Variants in MACROD2 observed in about 807,000 individuals in gnomAD.
MACROD2 encodes the protein mono-ADP ribosylhydrolase 2, also known as ADP-ribose glycohydrolase MACROD2.
Under a neutral mutation model 70.4 loss-of-function variants are expected in MACROD2, and 36 were observed. The ratio of observed to expected loss-of-function variants is 0.51; its 90% CI spans 0.39 to 0.68. MACROD2 has a LOEUF of 0.68. Among genes scored for constraint, MACROD2 ranks in the 30% least tolerant of loss-of-function variants. The pLI is 0.00. For synonymous variants in MACROD2, 172 were observed against 178.8 expected (o/e 0.96, Z 0.30); for missense variants, 496 against 538.4 (o/e 0.92, Z 0.78).
At chr20:15,208,163 T>G (rs900119761) in intron 5 of MACROD2, among the ~76,000 whole-genome samples, 1 of 152,214 alleles carries the variant, frequency 6.6e-6, no homozygotes, top group Non-Finnish European at 1.5e-5. Context: ...TGTCCTGTCT[T>G]CAAGTTCACT....
At chr20:14,623,976 C>T (rs1348300736) in intron 4 of MACROD2, among the ~76,000 whole-genome samples, 2 of 152,232 alleles carry the variant, frequency 1.3e-5, no homozygotes, top group African/African-American at 2.4e-5. Flanking sequence ...ACAGTAAAAA[C>T]TTACAGTCTT....
chr20:14,776,286 A>T (rs939215515), intron 5 of MACROD2, among the ~76,000 whole-genome samples: 6 of 152,006 alleles, frequency 3.9e-5, no homozygotes, highest in African/African-American at 1.5e-4. Flanking sequence ...AAAAATGATC[A>T]TCCATATCTT....
At chr20:14,364,427 A>G (rs1306650118) in intron 3 of MACROD2, among the ~76,000 whole-genome samples, 2 of 152,214 alleles carry the variant, frequency 1.3e-5, no homozygotes, top group African/African-American at 4.8e-5. Flanking sequence ...ATTTAGTTGT[A>G]TAATTTAAAA....
intron 8 of MACROD2, among the ~76,000 whole-genome samples, chr20:15,743,878 CA>C (rs1379570002): frequency 6.6e-6 from 1 of 151,974 alleles, no homozygotes; most frequent in South Asian, 2.1e-4. Context: ...TCAACTTATA[CA>C]AAAAAATAGG....
chr20:14,825,981 A>G (rs546058509), intron 5 of MACROD2, among the ~76,000 whole-genome samples: 1 of 152,168 alleles, frequency 6.6e-6, no homozygotes, highest in Non-Finnish European at 1.5e-5. Flanking sequence ...ATAGGCTTTT[A>G]TAATGCCACA....
chr20:15,810,059 C>T (rs2063805022), intron 8 of MACROD2, among the ~76,000 whole-genome samples: 1 of 146,500 alleles, frequency 6.8e-6, no homozygotes, highest in Admixed American at 6.9e-5. Flanking sequence ...GTTCCCCTTC[C>T]TGTGTCCATG....
At chr20:14,274,773 T>C (rs1469676038) in intron 3 of MACROD2, among the ~76,000 whole-genome samples, 2 of 151,892 alleles carry the variant, frequency 1.3e-5, no homozygotes, top group Non-Finnish European at 2.9e-5. Context: ...AAAATCTCCT[T>C]AAGCTGATAA....
intron 5 of MACROD2, among the ~76,000 whole-genome samples, chr20:14,825,980 TATA>T (rs2072898160): frequency 6.6e-6 from 1 of 152,186 alleles, no homozygotes; most frequent in South Asian, 2.1e-4. Flanking sequence ...GATAGGCTTT[TATA>T]ATGCCACAGT....
intron 9 of MACROD2, among the ~76,000 whole-genome samples, chr20:15,873,915 AT>A (rs1167252722): frequency 6.6e-6 from 1 of 151,892 alleles, no homozygotes; most frequent in African/African-American, 2.4e-5. Flanking sequence ...TATTATTATT[AT>A]TTTTTATTTG....
At chr20:14,883,250 C>T (rs1184559403) in intron 5 of MACROD2, among the ~76,000 whole-genome samples, 1 of 152,136 alleles carries the variant, frequency 6.6e-6, no homozygotes, top group Non-Finnish European at 1.5e-5. Flanking sequence ...AAGTTAGATT[C>T]ATGAAAAACC....
intron 4 of MACROD2, among the ~76,000 whole-genome samples, chr20:14,631,158 G>GGAAT (rs1984486301): frequency 6.6e-6 from 1 of 152,124 alleles, no homozygotes; most frequent in African/African-American, 2.4e-5. Context: ...AAACCAGAAT[G>GGAAT]GAATCGCTGT....
intron 5 of MACROD2, among the ~76,000 whole-genome samples, chr20:14,883,892 AAT>A (rs796982757): frequency 7.5e-4 from 114 of 152,264 alleles, no homozygotes; most frequent in African/African-American, 2.4e-3. Flanking sequence ...AATCTGATAA[AAT>A]ATTTTTTAAG....
At chr20:15,550,336 A>G (rs1568885564) in intron 8 of MACROD2, among the ~76,000 whole-genome samples, 1 of 150,344 alleles carries the variant, frequency 6.7e-6, no homozygotes, top group Non-Finnish European at 1.5e-5. Flanking sequence ...TAAAATAAGA[A>G]ATATTTATTA....
At chr20:16,045,217 T>A (rs1276580440) in intron 17 of MACROD2, among the ~76,000 whole-genome samples, 1 of 152,092 alleles carries the variant, frequency 6.6e-6, no homozygotes, top group Non-Finnish European at 1.5e-5. Flanking sequence ...GTTTGTTACG[T>A]TGAATGAGCT....
At chr20:14,946,947 C>T (rs1378630274) in intron 5 of MACROD2, among the ~76,000 whole-genome samples, 1 of 152,114 alleles carries the variant, frequency 6.6e-6, no homozygotes, top group African/African-American at 2.4e-5. Context: ...GCATGTACAA[C>T]ACATACACAT....
At chr20:15,097,257 T>G (rs2075840779) in intron 5 of MACROD2, among the ~76,000 whole-genome samples, 1 of 152,142 alleles carries the variant, frequency 6.6e-6, no homozygotes, top group South Asian at 2.1e-4. Context: ...TTGCCCAAAG[T>G]GTGGTATTTT....
intron 8 of MACROD2, among the ~76,000 whole-genome samples, chr20:15,816,988 A>C (rs2063883559): frequency 6.6e-6 from 1 of 152,180 alleles, no homozygotes; most frequent in African/African-American, 2.4e-5. Context: ...CACAAAAAAA[A>C]ACGATGCTCG....
At chr20:15,491,367 G>T (rs2047229738) in intron 7 of MACROD2, among the ~76,000 whole-genome samples, 1 of 152,242 alleles carries the variant, frequency 6.6e-6, no homozygotes, top group Non-Finnish European at 1.5e-5. Context: ...CGCAAGATCA[G>T]ACATGACACC....
chr20:14,106,887 G>A (rs1468459586), intron 3 of MACROD2, among the ~76,000 whole-genome samples: 1 of 152,150 alleles, frequency 6.6e-6, no homozygotes, highest in East Asian at 1.9e-4. Flanking sequence ...TGGGGCCTAA[G>A]TCCCTTTGAA....
Sources: allele counts gnomAD v4.1 joint callset (sites outside exome capture counted in the v4.1 genomes callset), GRCh38; gene constraint gnomAD v4.1.1; transcripts MANE v1.5; gene names NCBI Gene and HGNC (gene_info 2026-07-23, HGNC 2026-07-21).